SSBP4: variants seen among roughly 807,000 people sequenced by gnomAD.
The protein encoded by SSBP4 is single-stranded DNA-binding protein 4.
In SSBP4, 33 loss-of-function variants were observed where a neutral mutation model predicts 64.6. That is an observed-to-expected ratio of 0.51 (90% CI 0.39 to 0.68). SSBP4 has a LOEUF of 0.68. SSBP4 is among the 30% of genes least tolerant of loss of function. The pLI is 0.00. For missense variants in SSBP4, 583 were observed against 566.8 expected, an observed-to-expected ratio of 1.03 and a Z score of -0.29; for synonymous variants, 243 against 224.0, an observed-to-expected ratio of 1.08 and a Z score of -0.76.
the SSBP4 span, among the ~76,000 whole-genome samples, chr19:18,403,067 A>G: frequency 2.6e-5 from 4 of 152,230 alleles, no homozygotes; most frequent in Non-Finnish European, 4.4e-5. Context: ...GGCGAGACGT[A>G]TTGGCAGCAA....
At chr19:18,419,234 C>T, upstream of SSBP4, 1 of 988,900 alleles carries the variant, frequency 1.0e-6, no homozygotes, top group Non-Finnish European at 1.2e-6. Context: ...TCCTGACCCG[C>T]GAGTGTGTAG....
the SSBP4 span, among the ~76,000 whole-genome samples, chr19:18,409,187 C>CTT: frequency 2.2e-5 from 3 of 135,030 alleles, no homozygotes; most frequent in Admixed American, 7.4e-5. Flanking sequence ...AGTGGCCATT[C>CTT]TTTTTTTTTT....
At position 18,419,594 on chromosome 19, in the gene SSBP4, G is replaced by A; in HGVS notation, c.-55G>A. The stretch of plus-strand genomic sequence containing the variant: ...GGGTAGCTATGGCGACGGCAAGCGC[G>A]GCCCGCGGCGCCGCCTGACAGGTGT... On this transcript the variant is annotated 5_prime_UTR_variant, in exon 1 of 18. Coordinates refer to ENST00000270061, the MANE Select transcript of SSBP4 (RefSeq NM_032627.5). The A allele has an allele frequency of 8.1e-7, 1 of 1,232,796 alleles. No homozygotes were observed. Among genetic ancestry groups the A allele is most frequent in the Non-Finnish European group, 1.0e-6 (1 of 983,614 alleles). The allele number at this position is 1,232,796 out of a possible 1,614,324, so 76.4% of individuals were successfully genotyped here. A position where few individuals can be genotyped will look rare whatever the true frequency, so the allele number is the denominator to read the frequency against.
rs1254084281 is a variant in SSBP4 at position 18,427,571 on chromosome 19, G to C, written c.132+148G>C. The C allele has an allele frequency of 8.1e-7, 1 of 1,227,700 alleles. No individual in the cohort carries two copies. The highest frequency in any genetic ancestry group is 1.1e-6 in the Non-Finnish European group (1 of 894,880). 76.1% of individuals were successfully genotyped at this position (1,227,700 alleles called of 1,614,324 possible). On this transcript the variant is annotated intron_variant, in intron 2 of 17. Transcript: ENST00000270061. This position sits in a 1 kb window ranked among gnomAD's most constrained non-coding sequence, Gnocchi z 4.4. ...TCTGCAGGGTCCAGGCCCTGGGCTA[G>C]CATCCAGGCATCTGGTCCACATGCC...
Position 18,434,235 on chromosome 19 carries a change from A to G in SSBP4, c.1147A>G (p.Met383Val), listed in dbSNP as rs1257425779. ...PSESYSPGMT[M>V]SV The stretch of plus-strand genomic sequence containing the variant: ...TCCGCAGTACTCGCCAGGGATGACC[A>G]TGAGCGTGTGATGGGGCGGCAGCCC... The change falls in exon 18 of 18, where the codon ATG (methionine) becomes GTG (valine). Residue 383 changes from methionine to valine, a missense_variant. By Grantham distance (21) the Met-to-Val change is conservative. Coordinates refer to ENST00000270061, the MANE Select transcript of SSBP4 (RefSeq NM_032627.5). 19 of 1,611,672 alleles carry G rather than the reference A, an allele frequency of 1.2e-5. No individual in the cohort carries two copies. The highest frequency in any genetic ancestry group is 1.6e-5 in the Non-Finnish European group (19 of 1,179,480).
intron 4 of SSBP4, 74 bp downstream of exon 4, chr19:18,428,056 T>TGGGGGGGGGGGGGGGGGGGTGGGGGGGG: frequency 4.5e-6 from 2 of 444,258 alleles, no homozygotes; most frequent in Non-Finnish European, 3.7e-6. Flanking sequence ...GGAGGTGGGG[T>TGGGGGGGGGGGGGGGGGGGTGGGGGGGG]GGGGGGCTGC....
chr19:18,432,323 T>C (rs947827407), intron 10 of SSBP4, 109 bp downstream of exon 10: 8 of 1,426,278 alleles, frequency 5.6e-6, no homozygotes, highest in African/African-American at 1.4e-5. Flanking sequence ...TTGGATATTG[T>C]TTATTTCATG....
chr19:18,433,840 C>G, intron 17 of SSBP4, 23 bp downstream of exon 17: 1 of 1,369,420 alleles, frequency 7.3e-7, no homozygotes, highest in African/African-American at 1.7e-5. Context: ...GTCGACTCCC[C>G]CCCCGCGGCG....
chr19:18,414,310 G>A (rs1036424114), upstream of SSBP4, among the ~76,000 whole-genome samples: 4 of 152,276 alleles, frequency 2.6e-5, no homozygotes, highest in Admixed American at 2.6e-4. Context: ...ACGAGCCTCA[G>A]TTTCCCCATC....
Position 18,431,045 on chromosome 19 carries a change from GA to G in SSBP4, c.369+116del, listed in dbSNP as rs1413846228. ...AGGCCGGCAGGCTGGAGTTGGGTGG[GA>G]GGGTCCTCTGTGCCGCAGGTGTGCC... On this transcript the variant is annotated intron_variant, in intron 5 of 17. Coordinates refer to ENST00000270061, the MANE Select transcript of SSBP4 (RefSeq NM_032627.5). The G allele has an allele frequency of 7.1e-6, 9 of 1,261,568 alleles. No homozygotes were observed. The South Asian group carries it at 1.1e-4, about 16-fold the overall frequency. 78.1% of individuals were successfully genotyped at this position (1,261,568 alleles called of 1,614,324 possible).
intron 15 of SSBP4, 65 bp from the exon 16 acceptor site, chr19:18,433,520 C>T (rs545541936): frequency 3.4e-5 from 53 of 1,540,006 alleles, no homozygotes; most frequent in Non-Finnish European, 4.2e-5. Flanking sequence ...TCGTTGGCCC[C>T]TGGAGGCCGA....
chr19:18,432,167 A>AC lies in SSBP4; in HGVS notation c.662dup (p.Pro222ThrfsTer57). On this transcript the variant is annotated frameshift_variant, in exon 10 of 18. Transcript: ENST00000270061. LOFTEE classifies it high-confidence loss of function. ...CGCAGAGCTATGGAGGTGGCATGCG[A>AC]CCCCCACCCAACTCCCTCGCCGGCC... 6.2e-7 allele frequency: 1 copy of AC among 1,612,396 alleles called. No homozygotes were observed. The highest frequency in any genetic ancestry group is 8.5e-7 in the Non-Finnish European group (1 of 1,179,804).
chr19:18,430,865 G>C lies in SSBP4; in HGVS notation c.304G>C (p.Val102Leu). The C allele has an allele frequency of 1.9e-6, 3 of 1,613,128 alleles. No homozygotes were observed. The highest frequency in any genetic ancestry group is 2.2e-5 in the East Asian group (1 of 44,858). ...DYSAAAAPSP[V>L]MGSMAPGDTM... ...GAGTGCTGCAGCCGCCCCCAGCCCC[G>C]TTATGGGGAGTATGGCCCCAGGTGA... Residue 102 changes from valine to leucine, a missense_variant, in exon 5 of 18, where the codon GTT becomes CTT. This residue lies in a region of SSBP4 where 444 missense variants were observed against 386.6 expected (regional missense o/e 1.15). Coordinates refer to ENST00000270061, the MANE Select transcript of SSBP4 (RefSeq NM_032627.5).
At chr19:18,431,328 C>G (rs747203192) in intron 5 of SSBP4, 25 bp from the exon 6 acceptor site, 1 of 667,040 alleles carries the variant, frequency 1.5e-6, no homozygotes, top group South Asian at 1.8e-5. Context: ...CACTCCCCCC[C>G]ACCCACCTGG....
chr19:18,412,329 C>T, the SSBP4 span, among the ~76,000 whole-genome samples: 1 of 151,176 alleles, frequency 6.6e-6, no homozygotes, highest in Admixed American at 6.6e-5. Context: ...GGCGTGGTGG[C>T]AGGCGCCTGT....
chr19:18,415,749 G>A (rs1325252292), upstream of SSBP4, among the ~76,000 whole-genome samples: 1 of 152,204 alleles, frequency 6.6e-6, no homozygotes, highest in Non-Finnish European at 1.5e-5. Context: ...CTTATGGGTG[G>A]GACTGTGCAG....
the SSBP4 span, among the ~76,000 whole-genome samples, chr19:18,407,999 C>T: frequency 0.01 from 1,522 of 151,938 alleles, 11 homozygotes; most frequent in Non-Finnish European, 0.017. Flanking sequence ...CCTGCCTTGG[C>T]CTCCCAGAGT....
upstream of SSBP4, among the ~76,000 whole-genome samples, chr19:18,415,329 G>A (rs1231333635): frequency 3.3e-5 from 5 of 152,056 alleles, no homozygotes; most frequent in African/African-American, 1.2e-4. Flanking sequence ...GAGGGAGGGA[G>A]GCCGTTTCCG....
At chr19:18,405,442 C>T in the SSBP4 span, among the ~76,000 whole-genome samples, 2 of 147,760 alleles carry the variant, frequency 1.4e-5, no homozygotes, top group East Asian at 4.1e-4. Flanking sequence ...GGGAGGATCG[C>T]TTGAGCCCAG....
Sources: gnomAD v4.1 joint callset for allele counts (sites outside exome capture counted in the v4.1 genomes callset) on GRCh38, gnomAD v4.1.1 for gene constraint, gnomAD v4.1.1 regional missense constraint, Gnocchi (gnomAD v3.1) non-coding constraint, MANE v1.5 for transcripts, NCBI Gene and HGNC (gene_info 2026-07-23, HGNC 2026-07-21) for gene names.